The following IGF1 variants were observed in gnomAD, a reference collection of about 807,000 sequenced individuals.
IGF1 encodes insulin-like growth factor 1.
In IGF1, 4 loss-of-function variants were observed where a neutral mutation model predicts 13.8. The ratio of observed to expected loss-of-function variants is 0.29; its 90% confidence interval spans 0.14 to 0.66. IGF1 has a LOEUF of 0.66. Ranked by LOEUF, IGF1 falls within the 30% of genes least tolerant of loss-of-function variation. The probability of loss-of-function intolerance (pLI) is 0.78; values close to 1 mark genes in which losing one functional copy is unlikely to be tolerated. For missense variants in IGF1, 124 were observed against 188.5 expected (o/e 0.66, Z 2.00); for synonymous variants, 76 against 72.6 (o/e 1.05, Z -0.23).
chr12:102,399,400 T>C lies in IGF1; in HGVS notation c.*3107A>G, dbSNP rs1031361989. ...CTGTTCTTTTACAAATATCTTGAAA[T>C]TGCCTCATTCAAGAATTATAAAGCA... On this transcript the variant is annotated 3_prime_UTR_variant, in exon 4 of 4. Coordinates refer to ENST00000337514, the MANE Select transcript of IGF1 (RefSeq NM_000618.5). 1 of 152,358 alleles carries C rather than the reference T, an allele frequency of 6.6e-6. No individual in the cohort carries two copies. Among genetic ancestry groups the C allele is most frequent in the Non-Finnish European group, 1.5e-5 (1 of 68,012 alleles). The allele number at this position is 152,358 out of a possible 1,614,324, so 9.4% of individuals were successfully genotyped here. A position where few individuals can be genotyped will look rare whatever the true frequency, so the allele number is the denominator to read the frequency against.
intron 2 of IGF1, among the ~76,000 whole-genome samples, chr12:102,419,939 A>G (rs5742683): frequency 0.032 from 4,810 of 152,240 alleles, 287 homozygotes; most frequent in African/African-American, 0.11. Flanking sequence ...ACTCTCCCCA[A>G]GTTTTGCAAC....
At chr12:102,435,402 G>A (rs59102174) in intron 2 of IGF1, among the ~76,000 whole-genome samples, 5,439 of 152,210 alleles carry the variant, frequency 0.036, 331 homozygotes, top group African/African-American at 0.12. Context: ...CACAGGATAC[G>A]CAGGTTACAC....
intron 2 of IGF1, among the ~76,000 whole-genome samples, chr12:102,457,362 T>C (rs988362250): frequency 6.6e-6 from 1 of 152,228 alleles, no homozygotes; most frequent in South Asian, 2.1e-4. Context: ...GAGGATAAGA[T>C]GGGAGGGGAA....
intron 1 of IGF1, chr12:102,478,435 A>G: frequency 7.6e-7 from 1 of 1,314,082 alleles, no homozygotes. Context: ...TCTGGGCCAC[A>G]ATGAAAATGC....
In IGF1 at chr12:102,441,956, T is replaced by TTCTTCTTCTTCTTCTTCTTCG. The variant is rs1491200329; in HGVS notation, c.221-22267_221-22266insCGAAGAAGAAGAAGAAGAAGA. 8.5e-5 allele frequency among the ~76,000 whole-genome samples: 12 copies of TTCTTCTTCTTCTTCTTCTTCG among 140,484 alleles called. 1 individual carries two copies. Among genetic ancestry groups the TTCTTCTTCTTCTTCTTCTTCG allele is most frequent in the Non-Finnish European group, 1.5e-4 (10 of 64,824 alleles). The allele number at this position is 140,484 out of a possible 152,430, so 92.2% of individuals were successfully genotyped here. On this transcript the variant is annotated intron_variant, in intron 2 of 3. Coordinates refer to ENST00000337514, the MANE Select transcript of IGF1 (RefSeq NM_000618.5). ...CTTCTTCTTCTTCTTCTTCTTCTTC[T>TTCTTCTTCTTCTTCTTCTTCG]TTTTTTTTTTTGAGACAGGGTTTTG...
chr12:102,430,233 A>G (rs915949616), intron 2 of IGF1, among the ~76,000 whole-genome samples: 2 of 152,212 alleles, frequency 1.3e-5, no homozygotes, highest in African/African-American at 4.8e-5. Context: ...CAGTCTTTCA[A>G]CAGGGCAGCC....
intron 2 of IGF1, among the ~76,000 whole-genome samples, chr12:102,472,827 G>A (rs1880770293): frequency 6.6e-6 from 1 of 152,146 alleles, no homozygotes; most frequent in Admixed American, 6.5e-5. Flanking sequence ...AATGTAGCCT[G>A]GGGATGACCA....
At chr12:102,477,941 TATAA>T (rs1881163428) in intron 1 of IGF1, among the ~76,000 whole-genome samples, 1 of 152,072 alleles carries the variant, frequency 6.6e-6, no homozygotes, top group Admixed American at 6.5e-5. Context: ...CAGCGATACA[TATAA>T]GTCTCTGGAA....
chr12:102,464,790 G>A (rs913276675), intron 2 of IGF1, among the ~76,000 whole-genome samples: 1 of 152,158 alleles, frequency 6.6e-6, no homozygotes, highest in South Asian at 2.1e-4. Context: ...AAACAGTTTG[G>A]ATGTACAACT....
chr12:102,453,004 G>T (rs989460536), intron 2 of IGF1, among the ~76,000 whole-genome samples: 2 of 152,272 alleles, frequency 1.3e-5, no homozygotes, highest in Admixed American at 6.5e-5. Context: ...GGGTGTTTTT[G>T]AATCTTCCTC....
intron 1 of IGF1, chr12:102,478,699 A>C: frequency 7.7e-7 from 1 of 1,290,702 alleles, no homozygotes; most frequent in Non-Finnish European, 1.0e-6. Context: ...AACAATGAAC[A>C]AATTGCACAG....
chr12:102,441,941 T>TTCTTCTTCTTCTTCTTCTTCC (rs1877842200), intron 2 of IGF1, among the ~76,000 whole-genome samples: 1 of 136,966 alleles, frequency 7.3e-6, no homozygotes. Flanking sequence ...CTTCTTCTTC[T>TTCTTCTTCTTCTTCTTCTTCC]TCTTCTTCTT....
At chr12:102,478,770 T>A in intron 1 of IGF1, 1 of 652,664 alleles carries the variant, frequency 1.5e-6, no homozygotes, top group South Asian at 3.4e-5. Flanking sequence ...GTATGCCTAT[T>A]GTAGCAGCCC....
intron 2 of IGF1, among the ~76,000 whole-genome samples, chr12:102,431,947 G>A (rs1876776915): frequency 6.6e-6 from 1 of 152,136 alleles, no homozygotes; most frequent in South Asian, 2.1e-4. Flanking sequence ...TTCAGATGGG[G>A]CAGTCAGCCT....
At chr12:102,420,448 T>C (rs960916826) in intron 2 of IGF1, among the ~76,000 whole-genome samples, 1 of 152,220 alleles carries the variant, frequency 6.6e-6, no homozygotes, top group Non-Finnish European at 1.5e-5. Context: ...GTATGAATAA[T>C]GCATAGCACA....
rs145925763 is a variant in IGF1 at position 102,456,524 on chromosome 12, A to G, written c.220+19119T>C. Among the ~76,000 whole-genome samples, 396 of 152,294 alleles carry G rather than the reference A, an allele frequency of 2.6e-3. 2 individuals carry two copies. Among genetic ancestry groups the G allele is most frequent in the African/African-American group, 8.8e-3 (365 of 41,554 alleles). ...TAATCAAAAGGGAACAAATCTATTTATAATTGACATAAATGATAGTCCTAT... is the reference window on the plus strand; with the variant it reads ...TAATCAAAAGGGAACAAATCTATTTGTAATTGACATAAATGATAGTCCTAT... On this transcript the variant is annotated intron_variant, in intron 2 of 3. Coordinates refer to ENST00000337514, the MANE Select transcript of IGF1 (RefSeq NM_000618.5).
intron 3 of IGF1, among the ~76,000 whole-genome samples, chr12:102,404,763 GT>G (rs5800510): frequency 2.8e-5 from 4 of 145,040 alleles, no homozygotes; most frequent in Admixed American, 6.9e-5. Flanking sequence ...TTTTTTTGTT[GT>G]TTTTTTTTTT....
At chr12:102,443,904 G>C (rs1286619179) in intron 2 of IGF1, among the ~76,000 whole-genome samples, 1 of 151,968 alleles carries the variant, frequency 6.6e-6, no homozygotes, top group Non-Finnish European at 1.5e-5. Flanking sequence ...TTGGCTAACT[G>C]CAACCTCTGC....
At chr12:102,410,613 G>T (rs1372112477) in intron 3 of IGF1, among the ~76,000 whole-genome samples, 3 of 152,182 alleles carry the variant, frequency 2.0e-5, no homozygotes, top group Non-Finnish European at 4.4e-5. Flanking sequence ...ACTGGTGTAT[G>T]CAGTAACTCC....
Sources: allele counts gnomAD v4.1 joint callset (sites outside exome capture counted in the v4.1 genomes callset), GRCh38; gene constraint gnomAD v4.1.1; transcripts MANE v1.5; gene names NCBI Gene and HGNC (gene_info 2026-07-23, HGNC 2026-07-21).